The following OPHN1 variants were observed in gnomAD, a reference collection of about 807,000 sequenced individuals.
OPHN1 encodes the protein oligophrenin 1.
OPHN1 carries 11 observed loss-of-function variants against 60.7 expected under a neutral mutation model. The observed-to-expected ratio is 0.18, with a 90% CI of 0.11 to 0.30. The LOEUF (loss-of-function observed/expected upper bound fraction) is 0.30, where lower values mean the gene tolerates loss of function less well. OPHN1 is among the 10% of genes least tolerant of loss of function. The probability of loss-of-function intolerance (pLI) is 1.00; values close to 1 mark genes in which losing one functional copy is unlikely to be tolerated. For missense variants in OPHN1, 449 were observed against 611.0 expected (o/e 0.73, Z 2.80); for synonymous variants, 226 against 222.6 (o/e 1.02, Z -0.14).
intron 2 of OPHN1, among the ~76,000 whole-genome samples, chrX:68,425,764 A>ATT (rs766061215): frequency 0.013 from 825 of 65,364 alleles, 13 homozygotes; most frequent in African/African-American, 0.036. Context: ...CATCTTTTGG[A>ATT]TTTTTTTTTT....
At chrX:68,293,482 T>C (rs1197847717) in intron 3 of OPHN1, among the ~76,000 whole-genome samples, 1 of 112,116 alleles carries the variant, frequency 8.9e-6, no homozygotes, top group Non-Finnish European at 1.9e-5. Context: ...GGTGTTTCTT[T>C]AAATATGTTA....
intron 2 of OPHN1, among the ~76,000 whole-genome samples, chrX:68,389,322 C>T (rs1461256622): frequency 9.2e-6 from 1 of 108,785 alleles, no homozygotes; most frequent in African/African-American, 3.3e-5. Context: ...AATTCCAACA[C>T]TTTGTGAGGC....
chrX:68,182,194 T>TG (rs1309435050), intron 15 of OPHN1, among the ~76,000 whole-genome samples: 13 of 96,523 alleles, frequency 1.3e-4, no homozygotes, highest in Admixed American at 9.2e-4. Flanking sequence ...TGTAGTTTTT[T>TG]TTTTTTTTTT....
chrX:68,192,637 C>T (rs758267180), intron 15 of OPHN1: 20 of 326,190 alleles, frequency 6.1e-5, no homozygotes, highest in Admixed American at 9.7e-5. Flanking sequence ...AAGAAGATAC[C>T]GACTAAGCCT....
intron 2 of OPHN1, among the ~76,000 whole-genome samples, chrX:68,321,386 C>G (rs561802270): frequency 1.8e-5 from 2 of 111,870 alleles, no homozygotes; most frequent in African/African-American, 6.5e-5. Flanking sequence ...CCCTTAGAAC[C>G]CTGCTGGCCT....
chrX:68,388,202 G>A (rs1380432143), intron 2 of OPHN1, among the ~76,000 whole-genome samples: 1 of 105,146 alleles, frequency 9.5e-6, no homozygotes, highest in African/African-American at 3.5e-5. Context: ...GCTCAAACCT[G>A]TAATCCCAGC....
chrX:68,155,756 G>A lies in OPHN1; in HGVS notation c.1277-36424C>T, dbSNP rs755642828. 4.5e-5 allele frequency among the ~76,000 whole-genome samples: 5 copies of A among 111,699 alleles called. No homozygotes were observed. In the South Asian group the frequency reaches 1.9e-3, roughly 42 times the overall value. On this transcript the variant is annotated intron_variant, in intron 15 of 24. Coordinates refer to ENST00000355520, the MANE Select transcript of OPHN1 (RefSeq NM_002547.3). ...AGGCTGTGCTTCTGATATCTTACTA[G>A]AAAACCCAACCTGATAAGCAGCTTA...
intron 2 of OPHN1, among the ~76,000 whole-genome samples, chrX:68,387,941 T>C (rs910351411): frequency 1.8e-5 from 2 of 110,265 alleles, no homozygotes; most frequent in Non-Finnish European, 3.8e-5. Flanking sequence ...GAATGAGTAT[T>C]TCCAGACGGA....
At chrX:68,074,594 A>G (rs978587013) in intron 19 of OPHN1, among the ~76,000 whole-genome samples, 1 of 111,854 alleles carries the variant, frequency 8.9e-6, no homozygotes, top group African/African-American at 3.2e-5. Flanking sequence ...GATTCTAATC[A>G]AACATACTCT....
At chrX:68,162,110 G>A (rs1334438399) in intron 15 of OPHN1, among the ~76,000 whole-genome samples, 1 of 110,558 alleles carries the variant, frequency 9.0e-6, no homozygotes, top group Non-Finnish European at 1.9e-5. Context: ...TTGAGTAGTG[G>A]CCATTTCACT....
In OPHN1 at chrX:68,301,101, T is replaced by C. The variant is rs560042286; in HGVS notation, c.155-2005A>G. 2.4e-4 allele frequency among the ~76,000 whole-genome samples: 25 copies of C among 106,125 alleles called. No homozygotes were observed. In the South Asian group the frequency reaches 9.4e-3, roughly 40 times the overall value. 92.2% of individuals were successfully genotyped at this position (106,125 alleles called of 115,157 possible). ...AAAGTAGGAAATACTGTCCTCACCT[T>C]AGAATCAAATGAACAAAAAATGAAA... On this transcript the variant is annotated intron_variant, in intron 2 of 24. Coordinates refer to ENST00000355520, the MANE Select transcript of OPHN1 (RefSeq NM_002547.3).
intron 9 of OPHN1, among the ~76,000 whole-genome samples, chrX:68,207,165 G>A (rs1403182867): frequency 1.0e-5 from 1 of 99,191 alleles, no homozygotes; most frequent in African/African-American, 3.8e-5. Flanking sequence ...GTCTCGTTCT[G>A]TCACCCAGGC....
chrX:68,377,254 G>A (rs762703735), intron 2 of OPHN1, among the ~76,000 whole-genome samples: 6 of 108,089 alleles, frequency 5.6e-5, no homozygotes, highest in Non-Finnish European at 1.1e-4. Context: ...CCGCTACCAC[G>A]CCCGGCTAAT....
chrX:68,350,833 G>A (rs959602398), intron 2 of OPHN1, among the ~76,000 whole-genome samples: 2 of 111,035 alleles, frequency 1.8e-5, no homozygotes, highest in African/African-American at 6.6e-5. Context: ...CCTTTAAAAT[G>A]CCAAGTGTTA....
Position 68,053,948 on chromosome X carries a change from A to ATT in OPHN1, c.2159-140_2159-139dup, listed in dbSNP as rs397895409. ...TTCTTGGTGACTAACAACTCTGGCT[A>ATT]TTTTTTTTTTTTTTTGTAATTTTTC... On this transcript the variant is annotated intron_variant, in intron 21 of 24. Transcript: ENST00000355520. The ATT allele has an allele frequency of 0.074, 31,907 of 431,465 alleles. 1,159 individuals are homozygous for ATT. The highest frequency in any genetic ancestry group is 0.29 in the African/African-American group (9,472 of 33,115). The allele number at this position is 431,465 out of a possible 1,213,427, so 35.6% of individuals were successfully genotyped here.
At chrX:68,329,003 C>T (rs756103072) in intron 2 of OPHN1, among the ~76,000 whole-genome samples, 11 of 111,907 alleles carry the variant, frequency 9.8e-5, no homozygotes, top group South Asian at 3.7e-4. Context: ...CTGCACTCTC[C>T]GCCTCCTGGG....
chrX:68,062,539 G>T (rs1388939195), intron 21 of OPHN1, among the ~76,000 whole-genome samples: 1 of 112,173 alleles, frequency 8.9e-6, no homozygotes, highest in Admixed American at 9.4e-5. Context: ...GGGTCCACAG[G>T]CCATAGTCTG....
chrX:68,231,843 T>C (rs1165648420), intron 6 of OPHN1, among the ~76,000 whole-genome samples: 1 of 111,885 alleles, frequency 8.9e-6, no homozygotes, highest in Non-Finnish European at 1.9e-5. Context: ...GAAACTGTCC[T>C]GTACAATATG....
chrX:68,072,859 C>T (rs1428364877), intron 20 of OPHN1, among the ~76,000 whole-genome samples: 1 of 111,772 alleles, frequency 8.9e-6, no homozygotes, highest in African/African-American at 3.3e-5. Flanking sequence ...CTTGCTCACC[C>T]ATTTCAATAT....
Sources: allele counts gnomAD v4.1 joint callset (sites outside exome capture counted in the v4.1 genomes callset), GRCh38; gene constraint gnomAD v4.1.1; transcripts MANE v1.5; gene names NCBI Gene and HGNC (gene_info 2026-07-23, HGNC 2026-07-21).